Variants in MYRIP observed in about 807,000 individuals in gnomAD.
MYRIP encodes the protein myosin VIIA and Rab interacting protein, also known as rab effector MyRIP.
MYRIP carries 49 observed loss-of-function variants against 98.0 expected under a neutral mutation model. The observed-to-expected ratio is 0.50, with a 90% CI of 0.40 to 0.63. MYRIP has a LOEUF of 0.63. Ranked by LOEUF, MYRIP falls within the 30% of genes least tolerant of loss-of-function variation. MYRIP has a pLI of 0.00. For synonymous variants in MYRIP, 404 were observed against 409.5 expected (o/e 0.99, Z 0.16); for missense variants, 1,004 against 1,058.2 (o/e 0.95, Z 0.71).
At chr3:39,843,198 CT>C (rs1559493673) in intron 1 of MYRIP, among the ~76,000 whole-genome samples, 1 of 152,006 alleles carries the variant, frequency 6.6e-6, no homozygotes, top group Non-Finnish European at 1.5e-5. Flanking sequence ...GGTCAAATTT[CT>C]TTATAGTGTT....
chr3:40,034,363 A>T (rs997589045), intron 2 of MYRIP, among the ~76,000 whole-genome samples: 3 of 152,332 alleles, frequency 2.0e-5, no homozygotes, highest in African/African-American at 7.2e-5. Flanking sequence ...AGTGAACTCA[A>T]ACAAATTTAC....
chr3:39,829,509 T>A (rs1271626748), intron 1 of MYRIP, among the ~76,000 whole-genome samples: 1 of 152,170 alleles, frequency 6.6e-6, no homozygotes, highest in Non-Finnish European at 1.5e-5. Context: ...TAAAGATGTT[T>A]GTGAGTTTCT....
At chr3:39,925,079 AG>A (rs1247189819) in intron 2 of MYRIP, among the ~76,000 whole-genome samples, 1 of 151,578 alleles carries the variant, frequency 6.6e-6, no homozygotes, top group Admixed American at 6.6e-5. Flanking sequence ...ACCCAAAGCA[AG>A]CAGAAGGAAG....
At chr3:39,849,764 T>C (rs769520046) in intron 1 of MYRIP, among the ~76,000 whole-genome samples, 7 of 152,116 alleles carry the variant, frequency 4.6e-5, no homozygotes, top group Non-Finnish European at 7.4e-5. Flanking sequence ...AGATGATGAT[T>C]CTCCCATAAA....
chr3:39,959,560 T>C (rs893867358), intron 2 of MYRIP, among the ~76,000 whole-genome samples: 13 of 151,832 alleles, frequency 8.6e-5, no homozygotes, highest in African/African-American at 2.9e-4. Context: ...CATTAGGAGA[T>C]ATACCTAATG....
intron 4 of MYRIP, among the ~76,000 whole-genome samples, chr3:40,154,153 A>T (rs77284667): frequency 6.6e-6 from 1 of 151,456 alleles, no homozygotes; most frequent in African/African-American, 2.4e-5. Context: ...AAAAAAAAAA[A>T]TTCATTGAAG....
At chr3:40,212,104 G>GTA (rs1315997750) in intron 11 of MYRIP, among the ~76,000 whole-genome samples, 4 of 131,562 alleles carry the variant, frequency 3.0e-5, no homozygotes, top group African/African-American at 8.7e-5. Context: ...ATGTGTGTGT[G>GTA]TATATATATA....
chr3:39,952,144 T>C (rs1945032708), intron 2 of MYRIP, among the ~76,000 whole-genome samples: 1 of 152,190 alleles, frequency 6.6e-6, no homozygotes, highest in Non-Finnish European at 1.5e-5. Context: ...GTATAGGATA[T>C]AATACATCAT....
intron 1 of MYRIP, among the ~76,000 whole-genome samples, chr3:39,876,731 C>A (rs1355068715): frequency 1.3e-5 from 2 of 152,152 alleles, no homozygotes; most frequent in African/African-American, 4.8e-5. Flanking sequence ...TGATGGGTTT[C>A]CCTTTGAGGG....
rs1953708505 is a variant in MYRIP at position 40,259,676 on chromosome 3, G to A, written c.*1510G>A. 1 of 152,270 alleles carries A rather than the reference G, an allele frequency of 6.6e-6. No individual in the cohort carries two copies. Among genetic ancestry groups the A allele is most frequent in the Non-Finnish European group, 1.5e-5 (1 of 68,046 alleles). 9.4% of individuals were successfully genotyped at this position (152,270 alleles called of 1,614,324 possible). Reference sequence around the variant, plus strand: ...AACTTGTGTGCTATGATCCACTCCTGATGGGGGTCTACATTAATCTTCCAG... The same window carrying A: ...AACTTGTGTGCTATGATCCACTCCTAATGGGGGTCTACATTAATCTTCCAG... On this transcript the variant is annotated 3_prime_UTR_variant, in exon 17 of 17. Coordinates refer to ENST00000302541, the MANE Select transcript of MYRIP (RefSeq NM_015460.4).
chr3:39,885,065 G>T lies in MYRIP; in HGVS notation c.-30-15722G>T, dbSNP rs1335184799. Among the ~76,000 whole-genome samples, 5 of 151,432 alleles carry T rather than the reference G, an allele frequency of 3.3e-5. No individual in the cohort carries two copies. In the South Asian group the frequency reaches 1.0e-3, roughly 32 times the overall value. ...GACTTACCAGCATGATATGATACAA[G>T]CTTTTCAATCTTTTCAAAGCCAATA... On this transcript the variant is annotated intron_variant, in intron 1 of 16. Coordinates refer to ENST00000302541, the MANE Select transcript of MYRIP (RefSeq NM_015460.4).
At chr3:40,214,434 G>T (rs1004786603) in intron 11 of MYRIP, among the ~76,000 whole-genome samples, 2 of 152,056 alleles carry the variant, frequency 1.3e-5, no homozygotes, top group African/African-American at 4.8e-5. Flanking sequence ...TCCAGCAGCA[G>T]AAGAACCATT....
At chr3:39,952,637 G>T (rs968188267) in intron 2 of MYRIP, among the ~76,000 whole-genome samples, 5 of 151,992 alleles carry the variant, frequency 3.3e-5, no homozygotes, top group African/African-American at 9.7e-5. Flanking sequence ...TTTATATCAG[G>T]CTAATACCGC....
chr3:39,919,717 T>TGAGAGAGAGAGA, intron 2 of MYRIP, among the ~76,000 whole-genome samples: 1 of 149,010 alleles, frequency 6.7e-6, no homozygotes, highest in Non-Finnish European at 1.5e-5. Flanking sequence ...TGTGTGTGTG[T>TGAGAGAGAGAGA]GTGTGTGTGT....
At chr3:40,019,067 C>T (rs1342679463) in intron 2 of MYRIP, among the ~76,000 whole-genome samples, 4 of 152,242 alleles carry the variant, frequency 2.6e-5, no homozygotes, top group Non-Finnish European at 4.4e-5. Context: ...ACTAATGTCT[C>T]TCCTCTGATC....
intron 13 of MYRIP, among the ~76,000 whole-genome samples, chr3:40,249,484 A>G (rs1384223221): frequency 6.6e-6 from 1 of 152,190 alleles, no homozygotes; most frequent in Non-Finnish European, 1.5e-5. Context: ...TACTTACTTC[A>G]TAGAATTATT....
At chr3:40,158,150 T>C (rs1398271808) in intron 4 of MYRIP, among the ~76,000 whole-genome samples, 2 of 152,342 alleles carry the variant, frequency 1.3e-5, no homozygotes, top group African/African-American at 4.8e-5. Context: ...TAAATTTCCC[T>C]CTACACACTG....
In MYRIP at chr3:40,251,962, G is replaced by A. The variant is rs1370303822; in HGVS notation, c.2510G>A (p.Arg837Lys). 1 of 1,613,006 alleles carries A rather than the reference G, an allele frequency of 6.2e-7. No individual in the cohort carries two copies. Among genetic ancestry groups the A allele is most frequent in the East Asian group, 2.2e-5 (1 of 44,858 alleles). ...ATTCTCCAAGGCTCCTCAACAAACA[G>A]GACTAAGGAAAGGAAAGGCACCACC... is the stretch of plus-strand genomic sequence containing the variant. Reference protein sequence around the residue: ...NFILQGSSTNRTKERKGTTKD... With the variant: ...NFILQGSSTNKTKERKGTTKD... The change falls in exon 16 of 17, where the codon AGG becomes AAG. Residue 837 changes from arginine to lysine, a missense_variant. Physicochemically the swap from Arg to Lys is conservative, Grantham distance 26 (BLOSUM62 2). This residue lies in a region of MYRIP where 108 missense variants were observed against 111.1 expected (regional missense o/e 0.97). Coordinates refer to ENST00000302541, the MANE Select transcript of MYRIP (RefSeq NM_015460.4).
At chr3:39,833,206 T>C (rs1040397614) in intron 1 of MYRIP, among the ~76,000 whole-genome samples, 3 of 152,158 alleles carry the variant, frequency 2.0e-5, no homozygotes, top group African/African-American at 7.2e-5. Context: ...TGAACCAATA[T>C]GTTAGCAGTG....
Sources: gnomAD v4.1 joint callset for allele counts (sites outside exome capture counted in the v4.1 genomes callset) on GRCh38, gnomAD v4.1.1 for gene constraint, gnomAD v4.1.1 regional missense constraint, MANE v1.5 for transcripts, NCBI Gene and HGNC (gene_info 2026-07-23, HGNC 2026-07-21) for gene names.